RBFOX1: variants seen among roughly 807,000 people sequenced by gnomAD.
The protein encoded by RBFOX1 is RNA binding protein fox-1 homolog 1.
In RBFOX1, 8 loss-of-function variants were observed where a neutral mutation model predicts 57.7. That is an observed-to-expected ratio of 0.14 (90% CI 0.08 to 0.25). The LOEUF (loss-of-function observed/expected upper bound fraction) is 0.25. RBFOX1 is among the 10% of genes least tolerant of loss of function. The pLI, the probability that RBFOX1 is intolerant of heterozygous loss-of-function variation, is 1.00. For synonymous variants in RBFOX1, 326 were observed against 222.4 expected, an observed-to-expected ratio of 1.47 and a Z score of -4.15; for missense variants, 611 against 548.5, an observed-to-expected ratio of 1.11 and a Z score of -1.14.
chr16:7,345,109 G>A (rs758476489), intron 4 of RBFOX1, among the ~76,000 whole-genome samples: 28 of 152,284 alleles, frequency 1.8e-4, no homozygotes, highest in Middle Eastern at 3.4e-3. Flanking sequence ...TTGGTTATCA[G>A]TGTTGAAACC....
intron 4 of RBFOX1, among the ~76,000 whole-genome samples, chr16:7,066,503 A>AGCT (rs2056074884): frequency 1.3e-5 from 2 of 152,180 alleles, no homozygotes; most frequent in Non-Finnish European, 2.9e-5. Flanking sequence ...GTTAGTTAGA[A>AGCT]ATTTAAATAG....
chr16:6,834,819 T>C (rs1311120693), intron 3 of RBFOX1, among the ~76,000 whole-genome samples: 1 of 151,984 alleles, frequency 6.6e-6, no homozygotes, highest in African/African-American at 2.4e-5. Flanking sequence ...TTCTCCCCAA[T>C]GTGTTTGTGA....
chr16:7,643,563 G>A (rs1192645668), intron 11 of RBFOX1, among the ~76,000 whole-genome samples: 1 of 152,170 alleles, frequency 6.6e-6, no homozygotes, highest in Non-Finnish European at 1.5e-5. Context: ...CATTGTGACA[G>A]TAATCAGGTT....
intron 4 of RBFOX1, among the ~76,000 whole-genome samples, chr16:7,238,988 CT>C (rs1486738838): frequency 9.2e-5 from 14 of 152,190 alleles, no homozygotes; most frequent in Non-Finnish European, 2.9e-5. Flanking sequence ...TTTTTTATGG[CT>C]GCATAGCACC....
intron 3 of RBFOX1, among the ~76,000 whole-genome samples, chr16:5,823,010 A>G (rs548162308): frequency 6.6e-6 from 1 of 152,268 alleles, no homozygotes; most frequent in South Asian, 2.1e-4. Context: ...TATGCTGTGT[A>G]GTAGATCTCA....
intron 2 of RBFOX1, among the ~76,000 whole-genome samples, chr16:5,501,338 A>G (rs902762611): frequency 1.2e-4 from 18 of 149,264 alleles, no homozygotes; most frequent in African/African-American, 3.3e-4. Context: ...AAAAAAAAAA[A>G]AAAGAAAAAA....
chr16:5,460,246 G>A (rs1364021687), intron 1 of RBFOX1, among the ~76,000 whole-genome samples: 2 of 152,312 alleles, frequency 1.3e-5, no homozygotes, highest in African/African-American at 2.4e-5. Flanking sequence ...CCAGCCCACT[G>A]ACTTTTGCAA....
intron 1 of RBFOX1, among the ~76,000 whole-genome samples, chr16:6,156,424 A>G (rs1007990789): frequency 2.6e-5 from 4 of 152,348 alleles, no homozygotes; most frequent in South Asian, 4.1e-4. Flanking sequence ...TTTCCTTGCC[A>G]GTGATTTGTC....
At chr16:5,709,194 A>G (rs772536580) in intron 3 of RBFOX1, among the ~76,000 whole-genome samples, 2 of 152,184 alleles carry the variant, frequency 1.3e-5, no homozygotes, top group Non-Finnish European at 2.9e-5. Flanking sequence ...TGAGAGATAG[A>G]TTAGAAAATG....
At chr16:7,209,353 A>G (rs2090654080) in intron 4 of RBFOX1, among the ~76,000 whole-genome samples, 1 of 152,060 alleles carries the variant, frequency 6.6e-6, no homozygotes, top group South Asian at 2.1e-4. Context: ...TAAATAAATA[A>G]CAAGATCTCC....
At chr16:5,972,640 T>C (rs2059986014) in intron 4 of RBFOX1, among the ~76,000 whole-genome samples, 1 of 152,210 alleles carries the variant, frequency 6.6e-6, no homozygotes, top group Non-Finnish European at 1.5e-5. Flanking sequence ...AGGCACGTAA[T>C]GGACCAGGAG....
intron 3 of RBFOX1, among the ~76,000 whole-genome samples, chr16:6,853,314 G>A (rs943860527): frequency 6.6e-5 from 10 of 152,172 alleles, no homozygotes; most frequent in African/African-American, 2.2e-4. Context: ...TTTCTATGAG[G>A]ATGGTGGTGG....
At chr16:7,109,575 G>A (rs1349400766) in intron 4 of RBFOX1, among the ~76,000 whole-genome samples, 1 of 152,072 alleles carries the variant, frequency 6.6e-6, no homozygotes, top group Non-Finnish European at 1.5e-5. Flanking sequence ...AAATGATGAT[G>A]GTAGAATTTT....
intron 13 of RBFOX1, among the ~76,000 whole-genome samples, chr16:7,670,214 T>C (rs1370379148): frequency 2.6e-5 from 4 of 152,136 alleles, no homozygotes; most frequent in Admixed American, 2.0e-4. Context: ...GGATCCTTAG[T>C]AGAGACGGGG....
At chr16:6,350,625 T>C (rs949716519) in intron 2 of RBFOX1, among the ~76,000 whole-genome samples, 1 of 152,134 alleles carries the variant, frequency 6.6e-6, no homozygotes, top group African/African-American at 2.4e-5. Flanking sequence ...TGAAAGACCT[T>C]TTACTAGTAA....
intron 5 of RBFOX1, among the ~76,000 whole-genome samples, chr16:7,547,712 C>G (rs1409109297): frequency 6.6e-6 from 1 of 152,184 alleles, no homozygotes; most frequent in Non-Finnish European, 1.5e-5. Context: ...AAGTTTGCAA[C>G]TCAGGCACCT....
chr16:7,595,583 A>T lies in RBFOX1; in HGVS notation c.503A>T (p.Asp168Val). 6.4e-7 allele frequency: 1 copy of T among 1,563,100 alleles called. No individual in the cohort carries two copies. The highest frequency in any genetic ancestry group is 8.7e-7 in the Non-Finnish European group (1 of 1,151,330). The change falls in exon 8 of 16, where the codon GAT (aspartate) becomes GTT (valine). Residue 168 changes from aspartate to valine, a missense_variant. Asp to Val is a radical substitution (Grantham distance 152, BLOSUM62 -3). This residue lies in a region of RBFOX1 where 99 missense variants were observed against 160.3 expected (regional missense o/e 0.62). Coordinates refer to ENST00000550418, the MANE Select transcript of RBFOX1 (RefSeq NM_018723.4). ...TTCGTAACTTTCGAAAATAGTGCCG[A>T]TGCGGACAGGGCGAGGGAGAAATTA... ...FGFVTFENSA[D>V]ADRAREKLHG... is the part of the protein sequence containing the mutation.
intron 2 of RBFOX1, among the ~76,000 whole-genome samples, chr16:5,508,383 C>G (rs1045375899): frequency 7.2e-5 from 11 of 152,202 alleles, no homozygotes; most frequent in Non-Finnish European, 1.0e-4. Context: ...TGCATCCCAG[C>G]TAGCAGCAAG....
rs2097610607 is a variant in RBFOX1 at position 6,251,420 on chromosome 16, G to A, written c.-126-65575G>A. 3.3e-5 allele frequency among the ~76,000 whole-genome samples: 5 copies of A among 152,104 alleles called. 1 individual carries two copies. The South Asian group carries it at 1.0e-3, about 32-fold the overall frequency. ...ACACAGTCAGTGTGTGGAGGGGGCA[G>A]GAACTGAACTAAGGTCCTTAGGTCT... is the stretch of plus-strand genomic sequence containing the variant. On this transcript the variant is annotated intron_variant, in intron 1 of 15. Transcript: ENST00000550418.
Sources: allele counts gnomAD v4.1 joint callset (sites outside exome capture counted in the v4.1 genomes callset), GRCh38; gene constraint gnomAD v4.1.1; regional missense constraint gnomAD v4.1.1; transcripts MANE v1.5; gene names NCBI Gene and HGNC (gene_info 2026-07-23, HGNC 2026-07-21).